SOX5: variants seen among roughly 807,000 people sequenced by gnomAD.
SOX5 encodes the protein transcription factor SOX-5.
A neutral mutation model predicts 92.0 loss-of-function variants in SOX5; 9 were observed. The ratio of observed to expected loss-of-function variants is 0.10; its 90% CI spans 0.06 to 0.17. SOX5 has a LOEUF of 0.17. SOX5 is among the 10% of genes least tolerant of loss of function. SOX5 has a pLI of 1.00. For missense variants in SOX5, 642 were observed against 944.5 expected (o/e 0.68, Z 4.20); for synonymous variants, 344 against 336.3 (o/e 1.02, Z -0.25).
rs778908091 is a variant in SOX5 at position 24,250,629 on chromosome 12, C to T, written c.-77+26587G>A. On this transcript the variant is annotated intron_variant, in intron 3 of 4. Transcript: ENST00000446891. ...AATCAAAAAGCTCAACAAAGAATAA[C>T]GTGGACAATTGAGTTTTTCAAAACT... 3.9e-5 allele frequency among the ~76,000 whole-genome samples: 6 copies of T among 152,278 alleles called. No individual in the cohort carries two copies. The South Asian group carries it at 1.0e-3, about 26-fold the overall frequency.
At chr12:24,490,673 C>T (rs1302675507) in intron 1 of SOX5, among the ~76,000 whole-genome samples, 1 of 151,978 alleles carries the variant, frequency 6.6e-6, no homozygotes, top group South Asian at 2.1e-4. Context: ...ATACACACAC[C>T]ATATTTTTTT....
chr12:24,076,262 C>G (rs969099180), intron 4 of SOX5, among the ~76,000 whole-genome samples: 4 of 152,102 alleles, frequency 2.6e-5, no homozygotes, highest in Non-Finnish European at 5.9e-5. Context: ...CCTTGTAAAC[C>G]CACAAAACCC....
chr12:24,441,587 C>A (rs1353818369), intron 1 of SOX5, among the ~76,000 whole-genome samples: 3 of 152,008 alleles, frequency 2.0e-5, no homozygotes, highest in East Asian at 3.9e-4. Flanking sequence ...CAATCTGTGG[C>A]GGCATGCTAC....
At chr12:23,963,584 C>T (rs1356425836) in intron 4 of SOX5, among the ~76,000 whole-genome samples, 1 of 151,936 alleles carries the variant, frequency 6.6e-6, no homozygotes, top group African/African-American at 2.4e-5. Context: ...AGAGAGCATT[C>T]AGGGATATTA....
intron 11 of SOX5, among the ~76,000 whole-genome samples, chr12:23,558,662 G>A (rs779797084): frequency 2.5e-4 from 38 of 152,220 alleles, no homozygotes; most frequent in Non-Finnish European, 5.0e-4. Flanking sequence ...GAGTGCAATG[G>A]CGTGATCCTG....
intron 2 of SOX5, among the ~76,000 whole-genome samples, chr12:24,278,748 C>A (rs180979196): frequency 1.3e-5 from 2 of 151,862 alleles, no homozygotes; most frequent in African/African-American, 4.8e-5. Flanking sequence ...AAAACAACAA[C>A]AAAAAACTTT....
At chr12:24,214,205 A>G (rs575865386) in intron 3 of SOX5, among the ~76,000 whole-genome samples, 2 of 152,092 alleles carry the variant, frequency 1.3e-5, no homozygotes, top group Non-Finnish European at 2.9e-5. Context: ...AATAATTTCC[A>G]GGCAAAAATA....
chr12:24,052,966 T>C (rs1004497125), intron 4 of SOX5, among the ~76,000 whole-genome samples: 2 of 152,228 alleles, frequency 1.3e-5, no homozygotes, highest in East Asian at 1.9e-4. Context: ...TAGATCATCT[T>C]TCCCCATTGT....
Position 23,536,677 on chromosome 12 carries a change from G to A in SOX5, c.1772-8C>T. 6.2e-7 allele frequency: 1 copy of A among 1,607,336 alleles called. No homozygotes were observed. The highest frequency in any genetic ancestry group is 8.5e-7 in the Non-Finnish European group (1 of 1,173,870). Reference sequence around the variant, plus strand: ...TAGCTTTCCAGCGAGATCCTATGAAGAAAGGAGGTTAGGATTCCAATTTGC... The same window carrying A: ...TAGCTTTCCAGCGAGATCCTATGAAAAAAGGAGGTTAGGATTCCAATTTGC... On this transcript the variant is annotated splice_polypyrimidine_tract_variant and splice_region_variant and intron_variant, in intron 13 of 14. Coordinates refer to ENST00000451604, the MANE Select transcript of SOX5 (RefSeq NM_006940.6).
At chr12:24,367,223 G>C (rs1042776426) in intron 2 of SOX5, among the ~76,000 whole-genome samples, 2 of 152,154 alleles carry the variant, frequency 1.3e-5, no homozygotes, top group Non-Finnish European at 2.9e-5. Flanking sequence ...AATGCCAAGA[G>C]TGAGTATTTT....
intron 3 of SOX5, among the ~76,000 whole-genome samples, chr12:23,804,784 T>C (rs1368046122): frequency 6.6e-6 from 1 of 151,636 alleles, no homozygotes; most frequent in Non-Finnish European, 1.5e-5. Context: ...TACCGTTTTC[T>C]CCTTAAACTC....
chr12:24,237,783 G>GCAAAGTA (rs1458995339), intron 3 of SOX5: 1 of 152,022 alleles, frequency 6.6e-6, no homozygotes. Context: ...AGTAATTATG[G>GCAAAGTA]ATTAACTTTG....
At chr12:24,197,101 C>A (rs1957077044) in intron 4 of SOX5, among the ~76,000 whole-genome samples, 1 of 152,122 alleles carries the variant, frequency 6.6e-6, no homozygotes, top group African/African-American at 2.4e-5. Context: ...CATTTCTATC[C>A]TCATAACTAA....
At chr12:24,384,272 C>T (rs908271180) in intron 1 of SOX5, among the ~76,000 whole-genome samples, 3 of 152,190 alleles carry the variant, frequency 2.0e-5, no homozygotes, top group Non-Finnish European at 4.4e-5. Context: ...TGCGCTCCTA[C>T]AAGAGTCTAG....
intron 4 of SOX5, among the ~76,000 whole-genome samples, chr12:24,163,330 A>G (rs1355222875): frequency 2.6e-5 from 4 of 152,134 alleles, no homozygotes; most frequent in Admixed American, 1.3e-4. Flanking sequence ...AGACGTGTCT[A>G]CATTTATCTT....
At chr12:24,345,322 T>C (rs1365370391) in intron 2 of SOX5, among the ~76,000 whole-genome samples, 2 of 152,238 alleles carry the variant, frequency 1.3e-5, no homozygotes, top group Non-Finnish European at 2.9e-5. Flanking sequence ...AGACTTCAGG[T>C]GACCAAACCT....
intron 1 of SOX5, among the ~76,000 whole-genome samples, chr12:24,478,213 G>A (rs1303793787): frequency 1.3e-5 from 2 of 152,134 alleles, no homozygotes; most frequent in Admixed American, 6.5e-5. Context: ...ATCATAAAAC[G>A]TTAGCACTAT....
intron 6 of SOX5, among the ~76,000 whole-genome samples, chr12:23,686,038 T>C (rs1489961019): frequency 6.6e-6 from 1 of 152,186 alleles, no homozygotes; most frequent in Admixed American, 6.6e-5. Context: ...AGCATGAAAT[T>C]CATTTACCAT....
intron 4 of SOX5, among the ~76,000 whole-genome samples, chr12:23,972,465 C>G (rs2140156671): frequency 6.6e-6 from 1 of 152,170 alleles, no homozygotes; most frequent in African/African-American, 2.4e-5. Context: ...TCAAGTGATT[C>G]TCCTGCCCCA....
Sources: allele counts gnomAD v4.1 joint callset (sites outside exome capture counted in the v4.1 genomes callset), GRCh38; gene constraint gnomAD v4.1.1; transcripts MANE v1.5; gene names NCBI Gene and HGNC (gene_info 2026-07-23, HGNC 2026-07-21).